Variants in IRF2 observed in about 807,000 individuals in gnomAD.
IRF2 encodes interferon regulatory factor 2.
Under a neutral mutation model 40.6 loss-of-function variants are expected in IRF2, and 15 were observed. The observed-to-expected ratio is 0.37, with a 90% confidence interval of 0.25 to 0.57. The LOEUF (loss-of-function observed/expected upper bound fraction) is 0.57, where lower values mean the gene tolerates loss of function less well. Among genes scored for constraint, IRF2 ranks in the 20% least tolerant of loss-of-function variants. IRF2 has a pLI of 0.77. For synonymous variants in IRF2, 151 were observed against 165.5 expected (o/e 0.91, Z 0.67); for missense variants, 317 against 455.7 (o/e 0.70, Z 2.77).
rs1305199687 is a variant in IRF2 at position 184,408,693 on chromosome 4, T to C, written c.412-418A>G. Among the ~76,000 whole-genome samples the C allele has an allele frequency of 5.9e-5, 9 of 152,222 alleles. No homozygotes were observed. Among genetic ancestry groups the C allele is most frequent in the African/African-American group, 2.2e-4 (9 of 41,450 alleles). On this transcript the variant is annotated intron_variant, in intron 5 of 8. Coordinates refer to ENST00000393593, the MANE Select transcript of IRF2 (RefSeq NM_002199.4). The surrounding 1 kb of genome is among the most constrained non-coding windows in gnomAD (Gnocchi z 4.9). The stretch of plus-strand genomic sequence containing the variant: ...GGGAGGAATCATGCTACCTCTTTCA[T>C]AATTATTTCTTAGGAAAAGCTCTGC...
chr4:184,437,605 G>A (rs1348107556), intron 1 of IRF2, among the ~76,000 whole-genome samples: 3 of 152,140 alleles, frequency 2.0e-5, no homozygotes, highest in Admixed American at 6.5e-5. Context: ...AGTCACCCAC[G>A]CCTCTAGATG....
chr4:184,398,826 G>T, intron 7 of IRF2, 89 bp downstream of exon 7: 1 of 1,180,148 alleles, frequency 8.5e-7, no homozygotes, highest in Non-Finnish European at 1.2e-6. Context: ...GAGGAGGGAT[G>T]CTCCGTGGGG....
At chr4:184,423,444 T>G (rs955756102) in intron 2 of IRF2, among the ~76,000 whole-genome samples, 6 of 152,098 alleles carry the variant, frequency 3.9e-5, no homozygotes, top group Non-Finnish European at 8.8e-5. Flanking sequence ...TGCCTCTTCT[T>G]CCCCCCAACA....
At chr4:184,458,175 A>G (rs1407842138) in intron 1 of IRF2, among the ~76,000 whole-genome samples, 1 of 152,214 alleles carries the variant, frequency 6.6e-6, no homozygotes, top group East Asian at 1.9e-4. Flanking sequence ...CTGGTCAAAG[A>G]CGTAATTCTT....
chr4:184,439,742 T>G (rs776824518), intron 1 of IRF2, among the ~76,000 whole-genome samples: 58 of 152,182 alleles, frequency 3.8e-4, no homozygotes, highest in Non-Finnish European at 7.6e-4. Context: ...CATAGCTGCT[T>G]TATAAAATTT....
At chr4:184,390,801 C>A (rs763418916) in intron 7 of IRF2, 52 bp from the exon 8 acceptor site, 2 of 1,596,360 alleles carry the variant, frequency 1.3e-6, no homozygotes, top group South Asian at 1.1e-5. Flanking sequence ...CTCAAGCTGT[C>A]CCCAGGCTCA....
intron 1 of IRF2, among the ~76,000 whole-genome samples, chr4:184,456,953 A>G (rs1268391139): frequency 1.3e-5 from 2 of 152,210 alleles, no homozygotes; most frequent in Non-Finnish European, 2.9e-5. Context: ...TCCGGCAAAC[A>G]TCCAGTCAAT....
intron 6 of IRF2, among the ~76,000 whole-genome samples, chr4:184,402,870 T>G (rs1372771123): frequency 6.6e-6 from 1 of 152,204 alleles, no homozygotes; most frequent in Non-Finnish European, 1.5e-5. Flanking sequence ...TGAGTGCGTC[T>G]GTCAACATTT....
intron 1 of IRF2, among the ~76,000 whole-genome samples, chr4:184,469,282 T>C (rs1739436236): frequency 6.6e-6 from 1 of 152,184 alleles, no homozygotes; most frequent in Non-Finnish European, 1.5e-5. Flanking sequence ...CACGGGTCTC[T>C]ACCTTTGGCT....
intron 1 of IRF2, among the ~76,000 whole-genome samples, chr4:184,468,922 A>G (rs7667268): frequency 6.6e-6 from 1 of 151,950 alleles, no homozygotes; most frequent in Admixed American, 6.6e-5. Flanking sequence ...ATCCAGCCAC[A>G]TTTTACAGTG....
At chr4:184,433,527 C>G (rs1468124151) in intron 1 of IRF2, among the ~76,000 whole-genome samples, 1 of 152,208 alleles carries the variant, frequency 6.6e-6, no homozygotes, top group Non-Finnish European at 1.5e-5. Context: ...GAAAAGTTCA[C>G]AATCTTCAAT....
chr4:184,387,916 A>T lies in IRF2; in HGVS notation c.*842T>A, dbSNP rs969143957. 1 of 152,618 alleles carries T rather than the reference A, an allele frequency of 6.6e-6. No individual in the cohort carries two copies. The highest frequency in any genetic ancestry group is 2.4e-5 in the African/African-American group (1 of 41,456). 9.5% of individuals were successfully genotyped at this position (152,618 alleles called of 1,614,324 possible). A position where few individuals can be genotyped will look rare whatever the true frequency, so the allele number is the denominator to read the frequency against. On this transcript the variant is annotated 3_prime_UTR_variant, in exon 9 of 9. Coordinates refer to ENST00000393593, the MANE Select transcript of IRF2 (RefSeq NM_002199.4). ...TAAATTTGCTGTAGAAAAGATAAAA[A>T]ACAATTATATTTTATTTAGAATTTT...
chr4:184,416,871 C>A (rs979246250), intron 5 of IRF2, among the ~76,000 whole-genome samples: 2 of 152,088 alleles, frequency 1.3e-5, no homozygotes, highest in Non-Finnish European at 2.9e-5. Context: ...CATGGTGAAA[C>A]CCCATCTCTA....
At chr4:184,407,963 C>T (rs902943864) in intron 6 of IRF2, among the ~76,000 whole-genome samples, 195 bp downstream of exon 6, 7 of 146,800 alleles carry the variant, frequency 4.8e-5, no homozygotes, top group African/African-American at 1.3e-4. Flanking sequence ...GAGGCTGACC[C>T]GTCTAAGTTC....
At chr4:184,439,859 C>A (rs1738236618) in intron 1 of IRF2, among the ~76,000 whole-genome samples, 1 of 152,194 alleles carries the variant, frequency 6.6e-6, no homozygotes, top group South Asian at 2.1e-4. Context: ...GCACAAAAGT[C>A]ACCTGTCTAT....
chr4:184,443,621 G>A (rs1738395972), intron 1 of IRF2, among the ~76,000 whole-genome samples: 1 of 152,156 alleles, frequency 6.6e-6, no homozygotes, highest in Admixed American at 6.5e-5. Flanking sequence ...CTGCTGATGA[G>A]GACCTAGGTT....
At chr4:184,404,442 T>C (rs1736777411) in intron 6 of IRF2, among the ~76,000 whole-genome samples, 1 of 152,220 alleles carries the variant, frequency 6.6e-6, no homozygotes, top group East Asian at 1.9e-4. Context: ...GAGTGATTTA[T>C]CTGTACATTT....
At chr4:184,449,968 C>T (rs1167060102) in intron 1 of IRF2, among the ~76,000 whole-genome samples, 1 of 152,134 alleles carries the variant, frequency 6.6e-6, no homozygotes, top group Admixed American at 6.5e-5. Flanking sequence ...TGTGAGAAGC[C>T]TCTGGTTGTA....
At chr4:184,433,206 CT>C (rs1207016670) in intron 1 of IRF2, among the ~76,000 whole-genome samples, 5 of 152,202 alleles carry the variant, frequency 3.3e-5, no homozygotes, top group African/African-American at 1.2e-4. Flanking sequence ...AAATCCAGCG[CT>C]TCGCCAACTT....
Sources: gnomAD v4.1 joint callset for allele counts (sites outside exome capture counted in the v4.1 genomes callset) on GRCh38, gnomAD v4.1.1 for gene constraint, Gnocchi (gnomAD v3.1) non-coding constraint, MANE v1.5 for transcripts, NCBI Gene and HGNC (gene_info 2026-07-23, HGNC 2026-07-21) for gene names.